PCSK1: variants seen among roughly 807,000 people sequenced by gnomAD.
PCSK1 encodes the protein neuroendocrine convertase 1.
A neutral mutation model predicts 90.6 loss-of-function variants in PCSK1; 56 were observed. The ratio of observed to expected loss-of-function variants is 0.62; its 90% CI spans 0.50 to 0.77. PCSK1 has a LOEUF of 0.77. PCSK1 is among the 30% of genes least tolerant of loss of function. PCSK1 has a pLI of 0.00. For synonymous variants in PCSK1, 348 were observed against 342.4 expected (o/e 1.02, Z -0.18); for missense variants, 801 against 932.6 (o/e 0.86, Z 1.84).
intron 5 of PCSK1, among the ~76,000 whole-genome samples, chr5:96,420,951 GC>G (rs1345395248): frequency 6.6e-6 from 1 of 152,194 alleles, no homozygotes; most frequent in Non-Finnish European, 1.5e-5. Context: ...GTAGCAACAA[GC>G]CCTAATTTTG....
intron 9 of PCSK1, among the ~76,000 whole-genome samples, chr5:96,400,547 G>A (rs1022401122): frequency 6.6e-6 from 1 of 152,168 alleles, no homozygotes; most frequent in African/African-American, 2.4e-5. Context: ...ATGCCCTCCA[G>A]TCTCATGCTG....
At chr5:96,408,849 C>A (rs1445093729) in intron 8 of PCSK1, among the ~76,000 whole-genome samples, 1 of 152,230 alleles carries the variant, frequency 6.6e-6, no homozygotes, top group Non-Finnish European at 1.5e-5. Flanking sequence ...CACTGTTGAA[C>A]TAGATTTGAT....
In PCSK1 at chr5:96,390,771, A is replaced by G. The variant is rs962354594; in HGVS notation, c.*2230T>C. The stretch of plus-strand genomic sequence containing the variant: ...TTTTCTCTTTGACATTTTCACAAAA[A>G]TCCACACAGGCACTAAGAAAGACTG... On this transcript the variant is annotated 3_prime_UTR_variant, in exon 14 of 14. Transcript: ENST00000311106. The G allele has an allele frequency of 2.0e-5, 3 of 152,670 alleles. No homozygotes were observed. Among genetic ancestry groups the G allele is most frequent in the Non-Finnish European group, 4.4e-5 (3 of 68,040 alleles). 9.5% of individuals were successfully genotyped at this position (152,670 alleles called of 1,614,324 possible).
At position 96,390,970 on chromosome 5, in the gene PCSK1, T is replaced by C. The variant is rs1759917958; in HGVS notation, c.*2031A>G. The C allele has an allele frequency of 6.6e-6, 1 of 152,650 alleles. No individual in the cohort carries two copies. The highest frequency in any genetic ancestry group is 2.4e-5 in the African/African-American group (1 of 41,458). 9.5% of individuals were successfully genotyped at this position (152,650 alleles called of 1,614,324 possible). On this transcript the variant is annotated 3_prime_UTR_variant, in exon 14 of 14. Transcript: ENST00000311106. ...AAGAATCAAAAGAAAGATTTATACA[T>C]CTAGCACTAGATTGGGAATGGAAAA...
Position 96,411,097 on chromosome 5 carries a change from T to G in PCSK1, c.883-111A>C, listed in dbSNP as rs559011445. The G allele has an allele frequency of 8.4e-5, 70 of 828,872 alleles. 1 individual carries two copies. The South Asian group carries it at 9.3e-4, about 11-fold the overall frequency. The allele number at this position is 828,872 out of a possible 1,614,324, so 51.3% of individuals were successfully genotyped here. A position where few individuals can be genotyped will look rare whatever the true frequency, so the allele number is the denominator to read the frequency against. On this transcript the variant is annotated intron_variant, in intron 7 of 13. Coordinates refer to ENST00000311106, the MANE Select transcript of PCSK1 (RefSeq NM_000439.5). ...GTGTGAAATTCTCAGAGACAGCTATTTGGGATCTATTTTCAATTCCAGATC... is the reference window on the plus strand; with the variant it reads ...GTGTGAAATTCTCAGAGACAGCTATGTGGGATCTATTTTCAATTCCAGATC...
Position 96,429,252 on chromosome 5 carries a change from A to G in PCSK1, c.246T>C (p.Ser82=). 1.2e-6 allele frequency: 2 copies of G among 1,601,928 alleles called. No homozygotes were observed. The highest frequency in any genetic ancestry group is 2.2e-5 in the South Asian group (2 of 90,842). The change falls in exon 2 of 14, where the codon AGT becomes AGC. Residue 82 remains serine (S), a synonymous_variant. Coordinates refer to ENST00000311106, the MANE Select transcript of PCSK1 (RefSeq NM_000439.5). ...ATAATCTCTTAGTGATATGAAAGGC[A>G]CTCCTTCGAGACCTTCTGGGGTGGT... The part of the protein sequence containing the change: ...HKNHPRRSRR[S]AFHITKRLSD...
At position 96,400,047 on chromosome 5, in the gene PCSK1, C is replaced by A; in HGVS notation, c.1336G>T (p.Ala446Ser). 1 of 1,614,156 alleles carries A rather than the reference C, an allele frequency of 6.2e-7. No individual in the cohort carries two copies. Among genetic ancestry groups the A allele is most frequent in the Non-Finnish European group, 8.5e-7 (1 of 1,179,990 alleles). The change falls in exon 10 of 14, where the codon GCC becomes TCC. Residue 446 changes from alanine (A) to serine (S), a missense_variant. Ala to Ser is a moderately conservative substitution (Grantham distance 99). Transcript: ENST00000311106. ...TCAGCTAAATCCACCAGAGCTTTGG[C>A]ATTTAGCAAGCCAAATCCAAATCGA... is the stretch of plus-strand genomic sequence containing the variant. ...NSRFGFGLLN[A>S]KALVDLADPR...
Position 96,412,495 on chromosome 5 carries a change from G to T in PCSK1, c.710-5C>A. 1 of 1,613,310 alleles carries T rather than the reference G, an allele frequency of 6.2e-7. No individual in the cohort carries two copies. Among genetic ancestry groups the T allele is most frequent in the South Asian group, 1.1e-5 (1 of 91,042 alleles). On this transcript the variant is annotated splice_region_variant and splice_polypyrimidine_tract_variant and intron_variant, in intron 6 of 13. Coordinates refer to ENST00000311106, the MANE Select transcript of PCSK1 (RefSeq NM_000439.5). The stretch of plus-strand genomic sequence containing the variant: ...TGCCATCCAGCATTCTTATGCCTGA[G>T]AAACAAAATAAACAAAGACACACAA...
rs1342413538 is a variant in PCSK1 at position 96,390,494 on chromosome 5, T to C, written c.*2507A>G. On this transcript the variant is annotated 3_prime_UTR_variant, in exon 14 of 14. Coordinates refer to ENST00000311106, the MANE Select transcript of PCSK1 (RefSeq NM_000439.5). ...ACCACACATGTTAAACTCAGCTACA[T>C]GTTGTATTAGGCTATTAGACAAATG... The C allele has an allele frequency of 6.6e-6, 1 of 152,532 alleles. No individual in the cohort carries two copies. Among genetic ancestry groups the C allele is most frequent in the East Asian group, 1.9e-4 (1 of 5,206 alleles). 9.4% of individuals were successfully genotyped at this position (152,532 alleles called of 1,614,324 possible). A position where few individuals can be genotyped will look rare whatever the true frequency, so the allele number is the denominator to read the frequency against.
chr5:96,401,751 C>G (rs1287400408), intron 9 of PCSK1, among the ~76,000 whole-genome samples: 1 of 152,104 alleles, frequency 6.6e-6, no homozygotes, highest in Non-Finnish European at 1.5e-5. Flanking sequence ...GTTGATGTCT[C>G]TCTCCCTGGT....
rs1760640237 is a variant in PCSK1, at chr5:96,408,305, T to C, written c.1114A>G (p.Asn372Asp). ...CCTGTGTGCGTCTCCGTGCAGTCAT[T>C]GTGCAGGTCAGCGCTCGTCTGGATG... ...DQRITSADLH[N>D]DCTETHTGTS... is the part of the protein sequence containing the mutation. The change falls in exon 9 of 14, where the codon AAT becomes GAT. Residue 372 changes from asparagine to aspartate, a missense_variant. Asn to Asp is a conservative substitution (Grantham distance 23). Transcript: ENST00000311106. 6.2e-7 allele frequency: 1 copy of C among 1,613,820 alleles called. No individual in the cohort carries two copies. The highest frequency in any genetic ancestry group is 8.5e-7 in the Non-Finnish European group (1 of 1,179,850).
chr5:96,402,399 G>A (rs1408231354), intron 9 of PCSK1, among the ~76,000 whole-genome samples: 1 of 152,114 alleles, frequency 6.6e-6, no homozygotes, highest in African/African-American at 2.4e-5. Context: ...ATTCCTAGCT[G>A]GTGAGAGCTT....
rs1561376344 is a variant in PCSK1, at chr5:96,425,037, AAAGAAAGAAAGAAAG to A, written c.396+768_396+782del. Among the ~76,000 whole-genome samples, 13 of 141,216 alleles carry A rather than the reference AAAGAAAGAAAGAAAG, an allele frequency of 9.2e-5. 1 individual carries two copies. Among genetic ancestry groups the A allele is most frequent in the African/African-American group, 3.8e-4 (13 of 34,494 alleles). The allele number at this position is 141,216 out of a possible 152,430, so 92.6% of individuals were successfully genotyped here. A position where few individuals can be genotyped will look rare whatever the true frequency, so the allele number is the denominator to read the frequency against. On this transcript the variant is annotated intron_variant, in intron 3 of 13. Transcript: ENST00000311106. ...GAAAGAAAGAAAGAAAGAAAGAAAG[AAAGAAAGAAAGAAAG>A]AAAGAAAGAAAGAAAGAAAGAAAAC...
At chr5:96,395,682 T>C (rs1580743492) in intron 12 of PCSK1, among the ~76,000 whole-genome samples, 1 of 152,064 alleles carries the variant, frequency 6.6e-6, no homozygotes, top group African/African-American at 2.4e-5. Flanking sequence ...AGGAGAAATA[T>C]CTAATGTAGA....
At chr5:96,425,693 C>T (rs1761283842) in intron 3 of PCSK1, 127 bp downstream of exon 3, 3 of 683,402 alleles carry the variant, frequency 4.4e-6, no homozygotes, top group Non-Finnish European at 5.3e-6. Flanking sequence ...GCCCTAATCT[C>T]CAGACAATAT....
rs1468500670 is a variant in PCSK1, at chr5:96,392,988, C to T, written c.*13G>A. ...AAGCATGAATATTTCCAACTTGGGA[C>T]CACACACTTATTTTAATTTTCCTCA... On this transcript the variant is annotated 3_prime_UTR_variant, in exon 14 of 14. Transcript: ENST00000311106. The T allele has an allele frequency of 2.5e-6, 4 of 1,613,830 alleles. No homozygotes were observed. In the Admixed American group the frequency reaches 6.7e-5, roughly 27 times the overall value.
chr5:96,395,037 G>A lies in PCSK1; in HGVS notation c.1723-12C>T, dbSNP rs373105095. On this transcript the variant is annotated splice_polypyrimidine_tract_variant and intron_variant, in intron 12 of 13. Coordinates refer to ENST00000311106, the MANE Select transcript of PCSK1 (RefSeq NM_000439.5). Reference sequence around the variant, plus strand: ...TGAATTCTTCCAGACTAACAAATAAGCATACCTACATTTAGTATGTGTTTT... The same window carrying A: ...TGAATTCTTCCAGACTAACAAATAAACATACCTACATTTAGTATGTGTTTT... 2.5e-6 allele frequency: 4 copies of A among 1,597,662 alleles called. No individual in the cohort carries two copies. In the African/African-American group the frequency reaches 5.4e-5, roughly 21 times the overall value.
intron 11 of PCSK1, 123 bp from the exon 12 acceptor site, chr5:96,397,592 T>G: frequency 1.1e-6 from 1 of 881,314 alleles, no homozygotes; most frequent in South Asian, 1.4e-5. Flanking sequence ...TCTTTTAGTA[T>G]AAGACCAGGA....
intron 4 of PCSK1, among the ~76,000 whole-genome samples, 186 bp downstream of exon 4, chr5:96,423,127 T>G (rs1038804358): frequency 6.6e-6 from 1 of 152,174 alleles, no homozygotes; most frequent in Non-Finnish European, 1.5e-5. Flanking sequence ...CTGAATTATT[T>G]CAATGCCCAC....
Sources: allele counts gnomAD v4.1 joint callset (sites outside exome capture counted in the v4.1 genomes callset), GRCh38; gene constraint gnomAD v4.1.1; transcripts MANE v1.5; gene names NCBI Gene and HGNC (gene_info 2026-07-23, HGNC 2026-07-21).